The following DROSHA variants were observed in gnomAD, a reference collection of about 807,000 sequenced individuals.
DROSHA encodes the protein ribonuclease 3.
Under a neutral mutation model 181.9 loss-of-function variants are expected in DROSHA, and 56 were observed. The ratio of observed to expected loss-of-function variants is 0.31; its 90% CI spans 0.25 to 0.38. The LOEUF (loss-of-function observed/expected upper bound fraction) is 0.38, where lower values mean the gene tolerates loss of function less well. DROSHA is among the 10% of genes least tolerant of loss of function. The pLI is 1.00. For synonymous variants in DROSHA, 524 were observed against 591.2 expected (o/e 0.89, Z 1.65); for missense variants, 1,218 against 1,743.5 (o/e 0.70, Z 5.37).
intron 5 of DROSHA, among the ~76,000 whole-genome samples, chr5:31,523,402 T>C (rs1740131472): frequency 6.6e-6 from 1 of 152,214 alleles, no homozygotes; most frequent in South Asian, 2.1e-4. Flanking sequence ...TTTACTGAGA[T>C]CCGCAATTCA....
chr5:31,412,800 A>G (rs2149989670), intron 30 of DROSHA, among the ~76,000 whole-genome samples: 1 of 152,350 alleles, frequency 6.6e-6, no homozygotes, highest in Admixed American at 6.5e-5. Flanking sequence ...AGAGCCCACT[A>G]GCCTAATATC....
At chr5:31,421,212 C>T in intron 30 of DROSHA, 60 bp downstream of exon 30, 1 of 1,347,296 alleles carries the variant, frequency 7.4e-7, no homozygotes, top group Non-Finnish European at 1.1e-6. Context: ...TATTTGACCC[C>T]TCTAATCTTC....
chr5:31,453,390 T>C (rs981738262), intron 20 of DROSHA, among the ~76,000 whole-genome samples: 5 of 152,078 alleles, frequency 3.3e-5, no homozygotes, highest in African/African-American at 1.2e-4. Context: ...TTTGTAAAAA[T>C]GAGGTTTCGC....
chr5:31,512,237 G>A (rs959288354), intron 8 of DROSHA, among the ~76,000 whole-genome samples: 1 of 152,210 alleles, frequency 6.6e-6, no homozygotes, highest in Admixed American at 6.5e-5. Context: ...GAGTGGCGAT[G>A]CCGGTATAGC....
chr5:31,471,857 A>G (rs988963073), intron 17 of DROSHA, among the ~76,000 whole-genome samples: 5 of 152,202 alleles, frequency 3.3e-5, no homozygotes, highest in Non-Finnish European at 7.3e-5. Flanking sequence ...GGTAGAATAA[A>G]TTTACTAAAT....
chr5:31,500,482 C>G (rs1397205120), intron 11 of DROSHA, among the ~76,000 whole-genome samples: 1 of 152,222 alleles, frequency 6.6e-6, no homozygotes, highest in African/African-American at 2.4e-5. Context: ...CTGAGCAAAG[C>G]TGAAATACCG....
rs1246476706 is a variant in DROSHA at position 31,529,204 on chromosome 5, T to C, written c.-46-99A>G. On this transcript the variant is annotated intron_variant, in intron 3 of 35. Transcript: ENST00000344624. Reference sequence around the variant, plus strand: ...TTACCATAACACTAATTTTGTAGTTTCCAATACACTTAGCCTACAAACAAA... The same window carrying C: ...TTACCATAACACTAATTTTGTAGTTCCCAATACACTTAGCCTACAAACAAA... The C allele has an allele frequency of 2.6e-5, 25 of 972,480 alleles. 1 individual carries two copies. The Admixed American group carries it at 5.7e-4, about 22-fold the overall frequency. The allele number at this position is 972,480 out of a possible 1,614,324, so 60.2% of individuals were successfully genotyped here. A position where few individuals can be genotyped will look rare whatever the true frequency, so the allele number is the denominator to read the frequency against.
chr5:31,504,970 CTCTT>C (rs1246075069), intron 10 of DROSHA, among the ~76,000 whole-genome samples: 2 of 152,190 alleles, frequency 1.3e-5, no homozygotes, highest in Non-Finnish European at 2.9e-5. Context: ...AGAAAAATGA[CTCTT>C]TCACAAAAGC....
In DROSHA at chr5:31,449,455, C is replaced by T. The variant is rs1314919137; in HGVS notation, c.2683-36G>A. On this transcript the variant is annotated intron_variant, in intron 21 of 35. Coordinates refer to ENST00000344624, the MANE Select transcript of DROSHA (RefSeq NM_001382508.1). ...AATGAAATAAGTTCAGTCTTTAAAA[C>T]AGCATAAACTGGGTGCAGTGGCTCA... The T allele has an allele frequency of 7.8e-6, 12 of 1,542,456 alleles. No homozygotes were observed. In the Admixed American group the frequency reaches 1.2e-4, roughly 15 times the overall value.
chr5:31,476,805 G>A (rs1750423597), intron 16 of DROSHA, among the ~76,000 whole-genome samples: 1 of 152,076 alleles, frequency 6.6e-6, no homozygotes, highest in African/African-American at 2.4e-5. Flanking sequence ...ACCCAGCCTG[G>A]CAAAAAGACA....
intron 4 of DROSHA, among the ~76,000 whole-genome samples, chr5:31,527,739 C>T (rs1380361266): frequency 1.3e-5 from 2 of 152,196 alleles, no homozygotes; most frequent in Non-Finnish European, 2.9e-5. Flanking sequence ...TGCTGGTACC[C>T]TGATCTCAGA....
At chr5:31,527,094 A>G (rs956072066) in intron 4 of DROSHA, among the ~76,000 whole-genome samples, 182 bp from the exon 5 acceptor site, 25 of 152,066 alleles carry the variant, frequency 1.6e-4, no homozygotes, top group African/African-American at 6.0e-4. Context: ...CTCATGCTCA[A>G]TAAACTCCTC....
At chr5:31,421,871 C>CAAAAAAAAAAA (rs70955711) in intron 29 of DROSHA, 4 of 25,478 alleles carry the variant, frequency 1.6e-4, no homozygotes, top group East Asian at 3.1e-3. Context: ...CCCATCTCTA[C>CAAAAAAAAAAA]AAAAAAAAAA....
At chr5:31,420,443 T>C (rs951868663) in intron 30 of DROSHA, among the ~76,000 whole-genome samples, 8 of 152,212 alleles carry the variant, frequency 5.3e-5, no homozygotes, top group Non-Finnish European at 1.0e-4. Flanking sequence ...TTGATTGGTT[T>C]CACAGAGTAA....
chr5:31,404,057 A>G (rs898565734), intron 35 of DROSHA, among the ~76,000 whole-genome samples: 1 of 150,944 alleles, frequency 6.6e-6, no homozygotes, highest in Non-Finnish European at 1.5e-5. Flanking sequence ...AGCTAGCACT[A>G]TAAGTGCATG....
intron 16 of DROSHA, among the ~76,000 whole-genome samples, chr5:31,476,087 G>A (rs983531289): frequency 1.3e-5 from 2 of 152,210 alleles, no homozygotes; most frequent in African/African-American, 4.8e-5. Context: ...GCCATTGGCC[G>A]GGTGGGGTAG....
At chr5:31,444,434 T>C (rs1030492533) in intron 23 of DROSHA, among the ~76,000 whole-genome samples, 11 of 152,228 alleles carry the variant, frequency 7.2e-5, no homozygotes, top group African/African-American at 9.6e-5. Flanking sequence ...AATTCAAACA[T>C]CACACAGTTT....
intron 20 of DROSHA, among the ~76,000 whole-genome samples, chr5:31,459,614 T>C (rs534307139): frequency 4.6e-5 from 7 of 152,294 alleles, no homozygotes; most frequent in African/African-American, 1.7e-4. Flanking sequence ...CAAGATCTAA[T>C]TTAGAAAATA....
chr5:31,435,491 T>C (rs1744678067), intron 25 of DROSHA, among the ~76,000 whole-genome samples: 1 of 152,268 alleles, frequency 6.6e-6, no homozygotes, highest in Middle Eastern at 3.4e-3. Flanking sequence ...TTTCCCCAAA[T>C]GTTTAACTCT....
Sources: gnomAD v4.1 joint callset for allele counts (sites outside exome capture counted in the v4.1 genomes callset) on GRCh38, gnomAD v4.1.1 for gene constraint, MANE v1.5 for transcripts, NCBI Gene and HGNC (gene_info 2026-07-23, HGNC 2026-07-21) for gene names.